The following CCDC12 variants were observed in gnomAD, a reference collection of about 807,000 sequenced individuals.
The protein encoded by CCDC12 is coiled-coil domain containing 12, also known as coiled-coil domain-containing protein 12.
CCDC12 carries 28 observed loss-of-function variants against 25.7 expected under a neutral mutation model. The ratio of observed to expected loss-of-function variants is 1.09; its 90% CI spans 0.81 to 1.50. CCDC12 has a LOEUF of 1.50. Ranked by LOEUF, CCDC12 falls within the 40% of genes most tolerant of loss-of-function variation. CCDC12 has a pLI of 0.00. For synonymous variants in CCDC12, 75 were observed against 87.7 expected (o/e 0.86, Z 0.81); for missense variants, 198 against 210.0 (o/e 0.94, Z 0.35).
chr3:46,937,711 G>A (rs1441987047), intron 2 of CCDC12, among the ~76,000 whole-genome samples: 1 of 152,214 alleles, frequency 6.6e-6, no homozygotes, highest in Non-Finnish European at 1.5e-5. Context: ...CCCCTGGGAT[G>A]GACACGGCCT....
At chr3:46,979,853 G>A (rs1302944487), upstream of CCDC12, 2 of 460,158 alleles carry the variant, frequency 4.3e-6, no homozygotes, top group African/African-American at 4.1e-5. Flanking sequence ...GCCGGAGCCG[G>A]GCCGGGCCAT....
chr3:46,923,232 C>G, intron 5 of CCDC12, 97 bp downstream of exon 5: 1 of 1,250,524 alleles, frequency 8.0e-7, no homozygotes, highest in Non-Finnish European at 1.1e-6. Context: ...CTGCCAGTCT[C>G]TGCACTGTGA....
intron 2 of CCDC12, among the ~76,000 whole-genome samples, chr3:46,933,084 C>T (rs1004509837): frequency 2.0e-5 from 3 of 152,192 alleles, no homozygotes; most frequent in Non-Finnish European, 4.4e-5. Flanking sequence ...GCCAGGGCTG[C>T]AGGTGGCTGT....
chr3:46,976,699 C>T lies in CCDC12; in HGVS notation c.34G>A (p.Glu12Lys), dbSNP rs147840111. The T allele has an allele frequency of 1.9e-6, 3 of 1,604,696 alleles. No homozygotes were observed. Among genetic ancestry groups the T allele is most frequent in the Non-Finnish European group, 2.6e-6 (3 of 1,176,176 alleles). ...EATTAGVGRL[E>K]EEALRRKERL... The stretch of plus-strand genomic sequence containing the variant: ...TCCTTTCGCCGCAACGCCTCTTCCT[C>T]TAGCCGGCCCACACCAGCCGTAGTT... The change falls in exon 1 of 7, where the codon GAG (glutamate) becomes AAG (lysine). Residue 12 changes from glutamate to lysine, a missense_variant. Coordinates refer to ENST00000683445, the MANE Select transcript of CCDC12 (RefSeq NM_001277074.2).
In CCDC12 at chr3:46,922,103, G is replaced by A. The variant is rs752160942; in HGVS notation, c.455C>T (p.Ser152Phe). Residue 152 changes from serine (S) to phenylalanine (F), a missense_variant, in exon 7 of 7, where the codon TCT (serine) becomes TTT (phenylalanine). Physicochemically the swap from Ser to Phe is radical, Grantham distance 155. Transcript: ENST00000683445. ...TTGTTCGGTGGCAGCATCCACTGCA[G>A]AGGCTAGGCTGTCTTCCTGGCCTTT... is the stretch of plus-strand genomic sequence containing the variant. The part of the protein sequence containing the change: ...RLKGQEDSLA[S>F]AVDAATEQKT... The A allele has an allele frequency of 1.2e-6, 2 of 1,614,268 alleles. No homozygotes were observed. Among genetic ancestry groups the A allele is most frequent in the Admixed American group, 3.3e-5 (2 of 60,032 alleles).
intron 1 of CCDC12, among the ~76,000 whole-genome samples, chr3:46,952,217 G>C (rs556859374): frequency 1.3e-5 from 2 of 152,208 alleles, no homozygotes; most frequent in South Asian, 4.1e-4. Context: ...GAACCACCTG[G>C]GGAGGCAGAA....
chr3:46,966,629 G>A (rs2034650224), intron 1 of CCDC12, among the ~76,000 whole-genome samples: 1 of 152,194 alleles, frequency 6.6e-6, no homozygotes, highest in Non-Finnish European at 1.5e-5. Context: ...CAAACACCAG[G>A]TGAGTTCAGA....
At chr3:46,940,196 A>G (rs2033643923) in intron 2 of CCDC12, among the ~76,000 whole-genome samples, 1 of 152,146 alleles carries the variant, frequency 6.6e-6, no homozygotes, top group African/African-American at 2.4e-5. Context: ...CTCACCCCAC[A>G]CACTGGTTCC....
chr3:46,943,529 C>T (rs1193680197), intron 1 of CCDC12, among the ~76,000 whole-genome samples: 1 of 152,180 alleles, frequency 6.6e-6, no homozygotes, highest in African/African-American at 2.4e-5. Context: ...TTCTGTTAAC[C>T]CGAACCACCT....
Position 46,944,844 on chromosome 3 carries a change from A to G in CCDC12, c.97-3779T>C, listed in dbSNP as rs140030672. ...TCAGACCACACTGCACCTCCGCTCA[A>G]AGCTCTCACTGGGTCTCCACACCCC... On this transcript the variant is annotated intron_variant, in intron 1 of 6. Coordinates refer to ENST00000683445, the MANE Select transcript of CCDC12 (RefSeq NM_001277074.2). 1.7e-4 allele frequency among the ~76,000 whole-genome samples: 26 copies of G among 152,168 alleles called. No homozygotes were observed. The East Asian group carries it at 2.5e-3, about 15-fold the overall frequency.
intron 1 of CCDC12, among the ~76,000 whole-genome samples, chr3:46,962,762 A>G (rs948066703): frequency 5.3e-5 from 8 of 152,232 alleles, no homozygotes; most frequent in Non-Finnish European, 7.3e-5. Flanking sequence ...ACCGCCATAC[A>G]GTGCTGGTCA....
intron 1 of CCDC12, among the ~76,000 whole-genome samples, chr3:46,964,161 G>A (rs1363327972): frequency 2.0e-5 from 3 of 151,742 alleles, no homozygotes; most frequent in African/African-American, 4.8e-5. Flanking sequence ...TCTGAGAAGT[G>A]AGGAGCCCCT....
intron 1 of CCDC12, among the ~76,000 whole-genome samples, chr3:46,975,058 T>C (rs1366252356): frequency 6.6e-6 from 1 of 152,208 alleles, no homozygotes; most frequent in Non-Finnish European, 1.5e-5. Flanking sequence ...GTTGGAAAGA[T>C]GAACAAAGTA....
chr3:46,932,789 T>A (rs1312669739), intron 2 of CCDC12, among the ~76,000 whole-genome samples: 5 of 152,164 alleles, frequency 3.3e-5, no homozygotes, highest in African/African-American at 9.6e-5. Flanking sequence ...AAGCATGAGA[T>A]AATGCACCCT....
chr3:46,941,564 CAA>C (rs11306063), intron 1 of CCDC12, among the ~76,000 whole-genome samples: 487 of 135,968 alleles, frequency 3.6e-3, no homozygotes, highest in African/African-American at 4.2e-3. Flanking sequence ...GACTCCATCT[CAA>C]AAAAAAAAAA....
At chr3:46,923,770 T>G in intron 3 of CCDC12, 102 bp from the exon 4 acceptor site, 1 of 1,006,678 alleles carries the variant, frequency 9.9e-7, no homozygotes, top group Non-Finnish European at 1.4e-6. Flanking sequence ...GACCCCAGGC[T>G]TCCTTGCTCC....
intron 1 of CCDC12, among the ~76,000 whole-genome samples, chr3:46,968,532 A>T (rs982532930): frequency 1.3e-5 from 2 of 152,218 alleles, no homozygotes; most frequent in African/African-American, 4.8e-5. Context: ...CTAGCTACTG[A>T]TGAGTTCAGA....
chr3:46,948,655 G>A (rs2033998217), intron 1 of CCDC12, among the ~76,000 whole-genome samples: 1 of 152,258 alleles, frequency 6.6e-6, no homozygotes, highest in Non-Finnish European at 1.5e-5. Context: ...GCCCTCAGCG[G>A]TGGAAAGGAG....
chr3:46,976,969 A>T (rs201667306), upstream of CCDC12: 2 of 418,786 alleles, frequency 4.8e-6, no homozygotes, highest in Non-Finnish European at 8.4e-6. Flanking sequence ...AAAAAAAAAA[A>T]GAAAAAAAAA....
Sources: gnomAD v4.1 joint callset for allele counts (sites outside exome capture counted in the v4.1 genomes callset) on GRCh38, gnomAD v4.1.1 for gene constraint, MANE v1.5 for transcripts, NCBI Gene and HGNC (gene_info 2026-07-23, HGNC 2026-07-21) for gene names.